The following TMCO5A variants were observed in gnomAD, a reference collection of about 807,000 sequenced individuals.
The protein encoded by TMCO5A is transmembrane and coiled-coil domain-containing protein 5A.
A neutral mutation model predicts 42.3 loss-of-function variants in TMCO5A; 34 were observed. The ratio of observed to expected loss-of-function variants is 0.80; its 90% CI spans 0.61 to 1.07. The LOEUF (loss-of-function observed/expected upper bound fraction) is 1.07. Ranked by LOEUF, TMCO5A falls within the 50% of genes least tolerant of loss-of-function variation. The pLI, the probability that TMCO5A is intolerant of heterozygous loss-of-function variation, is 0.00. For missense variants in TMCO5A, 357 were observed against 327.9 expected (o/e 1.09, Z -0.69); for synonymous variants, 131 against 115.6 (o/e 1.13, Z -0.86).
At chr15:37,943,142 G>A (rs537853734) in intron 9 of TMCO5A, 199 bp from the exon 10 acceptor site, 4 of 450,668 alleles carry the variant, frequency 8.9e-6, no homozygotes, top group Non-Finnish European at 1.6e-5. Context: ...ACTACATATG[G>A]CAATTGAGTA....
At chr15:38,027,461 G>A in the TMCO5A span, among the ~76,000 whole-genome samples, 1 of 152,180 alleles carries the variant, frequency 6.6e-6, no homozygotes, top group South Asian at 2.1e-4. Flanking sequence ...TTGTATCTGG[G>A]AAGTAACTAG....
intron 4 of TMCO5A, 21 bp downstream of exon 4, chr15:37,936,991 A>T: frequency 6.2e-7 from 1 of 1,611,214 alleles, no homozygotes; most frequent in Non-Finnish European, 8.5e-7. Context: ...AGTTGGGAAG[A>T]GCCATTTAAT....
intron 11 of TMCO5A, among the ~76,000 whole-genome samples, chr15:37,949,199 G>A (rs1890071872): frequency 6.6e-6 from 1 of 152,000 alleles, no homozygotes; most frequent in Non-Finnish European, 1.5e-5. Flanking sequence ...ATTACAAAAT[G>A]TTACAGATAA....
At chr15:37,941,775 C>T in intron 8 of TMCO5A, 45 bp downstream of exon 8, 2 of 1,494,822 alleles carry the variant, frequency 1.3e-6, no homozygotes, top group East Asian at 2.3e-5. Flanking sequence ...TATTAAGGTA[C>T]AGGATGAAAT....
the TMCO5A span, among the ~76,000 whole-genome samples, chr15:38,013,571 A>G: frequency 0.015 from 2,258 of 152,300 alleles, 47 homozygotes; most frequent in African/African-American, 0.052. Flanking sequence ...GCTAACACCT[A>G]GGGACTTCTT....
downstream of TMCO5A, among the ~76,000 whole-genome samples, chr15:37,952,922 C>T (rs567128861): frequency 4.4e-4 from 67 of 152,286 alleles, 1 homozygote; most frequent in African/African-American, 1.3e-3. Flanking sequence ...AGTGGTAGTC[C>T]GGCAGTACTC....
the TMCO5A span, among the ~76,000 whole-genome samples, chr15:38,016,439 A>G: frequency 6.6e-6 from 1 of 152,154 alleles, no homozygotes; most frequent in Admixed American, 6.6e-5. Context: ...TTGAAAGTAA[A>G]TTAACCAGCC....
the TMCO5A span, among the ~76,000 whole-genome samples, chr15:38,023,868 G>A: frequency 6.6e-6 from 1 of 152,152 alleles, no homozygotes; most frequent in African/African-American, 2.4e-5. Context: ...ATAAAATAGT[G>A]AAATAGCTCT....
At chr15:38,034,165 G>C in the TMCO5A span, among the ~76,000 whole-genome samples, 3 of 152,208 alleles carry the variant, frequency 2.0e-5, no homozygotes, top group African/African-American at 7.2e-5. Flanking sequence ...GGCCTGTCTA[G>C]CTCCCTCCAG....
chr15:37,969,213 A>T (rs576512310), downstream of TMCO5A, among the ~76,000 whole-genome samples: 9 of 152,334 alleles, frequency 5.9e-5, no homozygotes, highest in African/African-American at 2.2e-4. Flanking sequence ...TAAGCTGACC[A>T]TGTGTTAGCA....
downstream of TMCO5A, among the ~76,000 whole-genome samples, chr15:37,952,315 C>T (rs1201091560): frequency 6.6e-6 from 1 of 151,954 alleles, no homozygotes; most frequent in Non-Finnish European, 1.5e-5. Context: ...CAAAAGAGAC[C>T]GTTTCCGACT....
downstream of TMCO5A, among the ~76,000 whole-genome samples, chr15:37,956,355 T>C (rs1412299274): frequency 1.3e-5 from 2 of 151,984 alleles, no homozygotes; most frequent in Non-Finnish European, 2.9e-5. Flanking sequence ...CTAGCCAGAC[T>C]AATAAAGAAG....
At chr15:37,974,895 C>T in the TMCO5A span, among the ~76,000 whole-genome samples, 1 of 152,152 alleles carries the variant, frequency 6.6e-6, no homozygotes, top group Non-Finnish European at 1.5e-5. Flanking sequence ...AAATTTTTCT[C>T]TAAACACTGC....
intron 10 of TMCO5A, among the ~76,000 whole-genome samples, chr15:37,945,308 G>C (rs1389824482): frequency 1.3e-5 from 2 of 152,058 alleles, no homozygotes; most frequent in African/African-American, 4.8e-5. Context: ...CCATGTATTT[G>C]CTATTGTGAA....
At chr15:37,951,862 G>A (rs1890168021), downstream of TMCO5A, among the ~76,000 whole-genome samples, 1 of 152,060 alleles carries the variant, frequency 6.6e-6, no homozygotes, top group Non-Finnish European at 1.5e-5. Context: ...GAAGAGATAG[G>A]AAAAACAGTC....
the TMCO5A span, among the ~76,000 whole-genome samples, chr15:37,995,667 G>A: frequency 2.0e-5 from 3 of 152,124 alleles, no homozygotes; most frequent in African/African-American, 7.2e-5. Flanking sequence ...AGTTCAGTCA[G>A]TCATTTTGTA....
the TMCO5A span, among the ~76,000 whole-genome samples, chr15:38,001,866 A>G: frequency 1.3e-5 from 2 of 151,896 alleles, no homozygotes; most frequent in Non-Finnish European, 2.9e-5. Context: ...ATCTTATTAT[A>G]TTGTCTGTGT....
At chr15:38,033,055 G>C in the TMCO5A span, among the ~76,000 whole-genome samples, 1 of 151,678 alleles carries the variant, frequency 6.6e-6, no homozygotes, top group Non-Finnish European at 1.5e-5. Flanking sequence ...AGCCTCCCGA[G>C]TAGCTGGGAC....
chr15:37,940,194 C>T (rs1889680994), intron 6 of TMCO5A, among the ~76,000 whole-genome samples: 1 of 152,154 alleles, frequency 6.6e-6, no homozygotes, highest in South Asian at 2.1e-4. Context: ...TGTCTTTAGA[C>T]TTCAAGCCTC....
Sources: gnomAD v4.1 joint callset for allele counts (sites outside exome capture counted in the v4.1 genomes callset) on GRCh38, gnomAD v4.1.1 for gene constraint, MANE v1.5 for transcripts, NCBI Gene and HGNC (gene_info 2026-07-23, HGNC 2026-07-21) for gene names.